Variants in CTSB observed in about 807,000 individuals in gnomAD.
The protein encoded by CTSB is cathepsin B, also known as APP secretase.
In CTSB, 57 loss-of-function variants were observed where a neutral mutation model predicts 44.3. The ratio of observed to expected loss-of-function variants is 1.29; its 90% confidence interval spans 1.04 to 1.60. The LOEUF is 1.60. Among genes scored for constraint, CTSB ranks in the 40% most tolerant of loss-of-function variants. The pLI is 0.00. For missense variants in CTSB, 768 were observed against 443.0 expected (o/e 1.73, Z -6.59); for synonymous variants, 320 against 168.0 (o/e 1.91, Z -7.00).
In CTSB at chr8:11,852,601, G is replaced by A; in HGVS notation, c.212+9C>T. On this transcript the variant is annotated intron_variant, in intron 3 of 9. Transcript: ENST00000353047. The stretch of plus-strand genomic sequence containing the variant: ...CACATTACAGCGGTGCAGAGGAGCA[G>A]GCACTCACCTCTGGGGTGGCTTGGG... 6.2e-7 allele frequency: 1 copy of A among 1,607,296 alleles called. No individual in the cohort carries two copies. Among genetic ancestry groups the A allele is most frequent in the Non-Finnish European group, 8.5e-7 (1 of 1,174,556 alleles).
chr8:11,846,789 T>C (rs1692814), intron 8 of CTSB, among the ~76,000 whole-genome samples: 32,823 of 151,880 alleles, frequency 0.22, 3,791 homozygotes, highest in Middle Eastern at 0.27. Flanking sequence ...AGCTGGACGC[T>C]AATGGATGGG....
intron 8 of CTSB, 28 bp from the exon 9 acceptor site, chr8:11,845,817 G>C (rs376729846): frequency 1.3e-6 from 2 of 1,594,170 alleles, no homozygotes; most frequent in Non-Finnish European, 1.7e-6. Context: ...GGCTGAGACC[G>C]AGACCGGGCC....
chr8:11,861,052 G>C (rs779004563), intron 1 of CTSB, among the ~76,000 whole-genome samples: 1 of 152,308 alleles, frequency 6.6e-6, no homozygotes, highest in East Asian at 1.9e-4. Flanking sequence ...TGTGGCCTCT[G>C]ATGTGTTACG....
intron 1 of CTSB, chr8:11,853,763 A>G: frequency 3.2e-6 from 1 of 308,066 alleles, no homozygotes; most frequent in Non-Finnish European, 6.1e-6. Flanking sequence ...CTATTTTTAA[A>G]CGGCCTTTGC....
intron 5 of CTSB, chr8:11,848,741 G>A (rs1813944486): frequency 3.2e-6 from 1 of 313,348 alleles, no homozygotes; most frequent in South Asian, 3.3e-5. Context: ...GGTTCCCCAA[G>A]CAGGAAAAAG....
intron 3 of CTSB, among the ~76,000 whole-genome samples, chr8:11,851,511 T>G (rs1814599063): frequency 6.6e-6 from 1 of 152,004 alleles, no homozygotes; most frequent in Non-Finnish European, 1.5e-5. Flanking sequence ...ATTGTACGCT[T>G]CTTTCTAGGC....
At chr8:11,866,639 C>A (rs1040429733) in intron 1 of CTSB, among the ~76,000 whole-genome samples, 1 of 152,228 alleles carries the variant, frequency 6.6e-6, no homozygotes, top group Admixed American at 6.5e-5. Flanking sequence ...ACAGGCGGAT[C>A]ACCTGAGGTC....
intron 1 of CTSB, among the ~76,000 whole-genome samples, chr8:11,863,668 G>A (rs921885018): frequency 1.3e-5 from 2 of 152,140 alleles, no homozygotes; most frequent in African/African-American, 2.4e-5. Flanking sequence ...AGGCATAAGT[G>A]GGTTACTGTT....
intron 8 of CTSB, among the ~76,000 whole-genome samples, chr8:11,846,628 G>A (rs537708649): frequency 5.3e-5 from 8 of 152,338 alleles, no homozygotes; most frequent in African/African-American, 1.9e-4. Flanking sequence ...TTTGCAAAGA[G>A]AAAGATGAAG....
At chr8:11,861,811 T>C (rs967531050) in intron 1 of CTSB, among the ~76,000 whole-genome samples, 2 of 152,204 alleles carry the variant, frequency 1.3e-5, no homozygotes, top group Non-Finnish European at 2.9e-5. Flanking sequence ...TGCTCATTAG[T>C]GTTCTGCCTC....
intron 7 of CTSB, 136 bp downstream of exon 7, chr8:11,847,543 A>T: frequency 1.0e-6 from 1 of 955,650 alleles, no homozygotes; most frequent in South Asian, 1.9e-5. Context: ...GCAAGAGGGC[A>T]TCACTCCCCC....
intron 1 of CTSB, among the ~76,000 whole-genome samples, chr8:11,861,875 C>T (rs982524166): frequency 6.6e-6 from 1 of 152,184 alleles, no homozygotes; most frequent in Non-Finnish European, 1.5e-5. Flanking sequence ...GAGATTACAC[C>T]AGGGTAGTTG....
At chr8:11,848,727 A>G in intron 5 of CTSB, 1 of 310,290 alleles carries the variant, frequency 3.2e-6, no homozygotes, top group Non-Finnish European at 6.3e-6. Context: ...AAATGCCCCA[A>G]ACTGGTTCCC....
chr8:11,847,667 C>G lies in CTSB; in HGVS notation c.676+12G>C, dbSNP rs768366737. The G allele has an allele frequency of 6.5e-7, 1 of 1,528,404 alleles. No individual in the cohort carries two copies. The highest frequency in any genetic ancestry group is 8.8e-7 in the Non-Finnish European group (1 of 1,141,232). 94.7% of individuals were successfully genotyped at this position (1,528,404 alleles called of 1,614,324 possible). A position where few individuals can be genotyped will look rare whatever the true frequency, so the allele number is the denominator to read the frequency against. ...CTCCACGTGCGCCGTGGCCAGGCCC[C>G]AGGCCCCTTACCGTAGTGCTTGTCC... is the stretch of plus-strand genomic sequence containing the variant. On this transcript the variant is annotated intron_variant, in intron 7 of 9. Coordinates refer to ENST00000353047, the MANE Select transcript of CTSB (RefSeq NM_001908.5).
At chr8:11,859,194 T>G (rs561796987) in intron 1 of CTSB, among the ~76,000 whole-genome samples, 1 of 152,070 alleles carries the variant, frequency 6.6e-6, no homozygotes, top group Admixed American at 6.6e-5. Context: ...AGAGCACTTA[T>G]GAGAAAGCAC....
intron 8 of CTSB, among the ~76,000 whole-genome samples, chr8:11,846,760 C>G (rs1045222394): frequency 6.6e-6 from 1 of 152,160 alleles, no homozygotes; most frequent in Non-Finnish European, 1.5e-5. Flanking sequence ...GGGGGGCGTT[C>G]CCACAGAGAA....
chr8:11,845,407 C>T (rs532769446), intron 9 of CTSB, among the ~76,000 whole-genome samples, 185 bp from the exon 10 acceptor site: 30 of 152,342 alleles, frequency 2.0e-4, no homozygotes, highest in African/African-American at 7.2e-4. Flanking sequence ...AGCCCCCTGC[C>T]CGGTCACCCT....
rs567257300 is a variant in CTSB, at chr8:11,849,035, G to A, written c.446+11C>T. 5 of 1,603,252 alleles carry A rather than the reference G, an allele frequency of 3.1e-6. No individual in the cohort carries two copies. In the East Asian group the frequency reaches 1.1e-4, roughly 36 times the overall value. ...GCACTAAACCCGCTGTGGAAGCACAGCCTGACTCACCCGTCCCCACACATG... is the reference window on the plus strand; with the variant it reads ...GCACTAAACCCGCTGTGGAAGCACAACCTGACTCACCCGTCCCCACACATG... On this transcript the variant is annotated intron_variant, in intron 5 of 9. Coordinates refer to ENST00000353047, the MANE Select transcript of CTSB (RefSeq NM_001908.5).
chr8:11,848,577 C>T, intron 5 of CTSB: 2 of 336,250 alleles, frequency 5.9e-6, no homozygotes, highest in Non-Finnish European at 1.2e-5. Flanking sequence ...TTTTTAAGCC[C>T]TCAGGCATTT....
Sources: allele counts gnomAD v4.1 joint callset (sites outside exome capture counted in the v4.1 genomes callset), GRCh38; gene constraint gnomAD v4.1.1; transcripts MANE v1.5; gene names NCBI Gene and HGNC (gene_info 2026-07-23, HGNC 2026-07-21).